The following CA10 variants were observed in gnomAD, a reference collection of about 807,000 sequenced individuals.
The protein encoded by CA10 is carbonic anhydrase 10 (inactive), also known as carbonic anhydrase-related protein 10.
In CA10, 14 loss-of-function variants were observed where a neutral mutation model predicts 44.2. The ratio of observed to expected loss-of-function variants is 0.32; its 90% confidence interval spans 0.21 to 0.50. The LOEUF is 0.50. Among genes scored for constraint, CA10 ranks in the 20% least tolerant of loss-of-function variants. CA10 has a pLI of 0.99. For missense variants in CA10, 350 were observed against 409.7 expected (o/e 0.85, Z 1.26); for synonymous variants, 159 against 141.6 (o/e 1.12, Z -0.87).
intron 3 of CA10, among the ~76,000 whole-genome samples, chr17:51,775,458 G>A (rs547682514): frequency 1.3e-5 from 2 of 152,278 alleles, no homozygotes; most frequent in Middle Eastern, 6.8e-3. Flanking sequence ...AGGGTACAAG[G>A]GGGGTGGGTA....
intron 3 of CA10, among the ~76,000 whole-genome samples, chr17:51,822,757 T>G (rs1907861875): frequency 6.6e-6 from 1 of 152,180 alleles, no homozygotes; most frequent in South Asian, 2.1e-4. Context: ...CTTGGAAATC[T>G]GCTCTAGGTT....
At chr17:52,150,609 T>C (rs1267460632) in intron 1 of CA10, among the ~76,000 whole-genome samples, 1 of 152,170 alleles carries the variant, frequency 6.6e-6, no homozygotes, top group Non-Finnish European at 1.5e-5. Context: ...TAACCATGGG[T>C]ATATTCTGTT....
At chr17:52,034,035 G>T (rs1986545880) in intron 2 of CA10, among the ~76,000 whole-genome samples, 1 of 152,152 alleles carries the variant, frequency 6.6e-6, no homozygotes, top group Non-Finnish European at 1.5e-5. Flanking sequence ...TCAGGAAGGG[G>T]TAAGTGAGGA....
intron 2 of CA10, among the ~76,000 whole-genome samples, chr17:51,959,702 G>C (rs1357340199): frequency 7.0e-6 from 1 of 143,272 alleles, no homozygotes; most frequent in Non-Finnish European, 1.5e-5. Flanking sequence ...CAAAGGAATT[G>C]AAAACTAAAC....
chr17:51,927,382 T>G (rs1679645347), intron 3 of CA10, among the ~76,000 whole-genome samples: 1 of 152,142 alleles, frequency 6.6e-6, no homozygotes, highest in African/African-American at 2.4e-5. Flanking sequence ...TAGTCTCAGT[T>G]TTAATATGTT....
intron 1 of CA10, among the ~76,000 whole-genome samples, chr17:52,144,065 A>C (rs377011873): frequency 6.6e-6 from 1 of 152,194 alleles, no homozygotes; most frequent in African/African-American, 2.4e-5. Context: ...CCTTCTCTCA[A>C]GTGAATATGA....
chr17:52,069,673 C>T (rs982106865), intron 2 of CA10, among the ~76,000 whole-genome samples: 2 of 152,160 alleles, frequency 1.3e-5, no homozygotes, highest in Non-Finnish European at 2.9e-5. Flanking sequence ...TGGTGCTCAG[C>T]ACAAGGTAGG....
At chr17:51,791,501 G>T (rs1451213634) in intron 3 of CA10, among the ~76,000 whole-genome samples, 1 of 152,146 alleles carries the variant, frequency 6.6e-6, no homozygotes, top group East Asian at 1.9e-4. Flanking sequence ...TGCTAGACTT[G>T]GTAACTGATT....
intron 2 of CA10, among the ~76,000 whole-genome samples, chr17:52,038,248 G>A (rs760274962): frequency 5.3e-5 from 8 of 152,106 alleles, no homozygotes; most frequent in African/African-American, 1.4e-4. Flanking sequence ...GAGAGGGGAC[G>A]GCTTACGAAG....
chr17:51,738,077 C>T (rs773549432), intron 4 of CA10, among the ~76,000 whole-genome samples: 15 of 152,064 alleles, frequency 9.9e-5, no homozygotes, highest in Non-Finnish European at 2.1e-4. Flanking sequence ...AGGCTTCCAC[C>T]AGAAATGATG....
intron 3 of CA10, among the ~76,000 whole-genome samples, chr17:51,817,672 T>A (rs192969244): frequency 6.6e-6 from 1 of 152,242 alleles, no homozygotes; most frequent in East Asian, 1.9e-4. Context: ...TTTGATGAGG[T>A]AGGCCGACAT....
intron 3 of CA10, among the ~76,000 whole-genome samples, chr17:51,869,224 T>C (rs953582974): frequency 6.6e-6 from 1 of 152,148 alleles, no homozygotes; most frequent in Non-Finnish European, 1.5e-5. Context: ...TTATGAAAAT[T>C]TCAGCCTTGA....
At chr17:51,739,537 G>A (rs1166527310) in intron 4 of CA10, among the ~76,000 whole-genome samples, 1 of 152,138 alleles carries the variant, frequency 6.6e-6, no homozygotes, top group Non-Finnish European at 1.5e-5. Context: ...CCAGGCCAGA[G>A]TTATGATGCA....
chr17:51,678,186 T>G (rs1914698920), intron 4 of CA10, among the ~76,000 whole-genome samples: 1 of 152,088 alleles, frequency 6.6e-6, no homozygotes, highest in Non-Finnish European at 1.5e-5. Flanking sequence ...GGTAAATCCA[T>G]AGAGACAGGT....
Position 51,811,559 on chromosome 17 carries a change from G to T in CA10, c.280-63741C>A, listed in dbSNP as rs201641429. On this transcript the variant is annotated intron_variant, in intron 3 of 8. Coordinates refer to ENST00000451037, the MANE Select transcript of CA10 (RefSeq NM_020178.5). Reference sequence around the variant, plus strand: ...TGTTTAGTTCTCTGTCCTTGTGATAGCTTGCTGAGAATGATGGTTTCCAGC... The same window carrying T: ...TGTTTAGTTCTCTGTCCTTGTGATATCTTGCTGAGAATGATGGTTTCCAGC... Among the ~76,000 whole-genome samples the T allele has an allele frequency of 2.4e-4, 37 of 152,274 alleles. 2 individuals are homozygous for T. In the East Asian group the frequency reaches 7.1e-3, roughly 29 times the overall value.
intron 4 of CA10, among the ~76,000 whole-genome samples, chr17:51,702,615 A>T (rs1183628143): frequency 1.3e-5 from 2 of 151,970 alleles, no homozygotes. Context: ...GCCTGGGGAG[A>T]CCCACTGTGT....
intron 2 of CA10, among the ~76,000 whole-genome samples, chr17:52,064,466 T>C (rs1987478472): frequency 6.6e-6 from 1 of 152,184 alleles, no homozygotes; most frequent in Non-Finnish European, 1.5e-5. Context: ...AGGCTGGCCA[T>C]CCTGGATCAG....
At position 51,895,394 on chromosome 17, in the gene CA10, G is replaced by A. The variant is rs528581123; in HGVS notation, c.279+35596C>T. Among the ~76,000 whole-genome samples, 6 of 152,132 alleles carry A rather than the reference G, an allele frequency of 3.9e-5. No individual in the cohort carries two copies. In the South Asian group the frequency reaches 1.2e-3, roughly 32 times the overall value. ...ATTAAAGTATGGGGCAGAGGGGAAT[G>A]ACATTTTTAGACATACAAGAACATA... On this transcript the variant is annotated intron_variant, in intron 3 of 8. Coordinates refer to ENST00000451037, the MANE Select transcript of CA10 (RefSeq NM_020178.5).
intron 4 of CA10, among the ~76,000 whole-genome samples, chr17:51,667,270 CCAGA>C (rs1914243321): frequency 6.6e-6 from 1 of 152,204 alleles, no homozygotes; most frequent in African/African-American, 2.4e-5. Context: ...CCCCTGCTCC[CCAGA>C]CAGTGTTGCT....
Sources: allele counts gnomAD v4.1 joint callset (sites outside exome capture counted in the v4.1 genomes callset), GRCh38; gene constraint gnomAD v4.1.1; transcripts MANE v1.5; gene names NCBI Gene and HGNC (gene_info 2026-07-23, HGNC 2026-07-21).